The following PIEZO2 variants were observed in gnomAD, a reference collection of about 807,000 sequenced individuals.
The protein encoded by PIEZO2 is piezo-type mechanosensitive ion channel component 2.
PIEZO2 carries 172 observed loss-of-function variants against 337.3 expected under a neutral mutation model. The ratio of observed to expected loss-of-function variants is 0.51; its 90% CI spans 0.45 to 0.58. The LOEUF is 0.58. Among genes scored for constraint, PIEZO2 ranks in the 20% least tolerant of loss-of-function variants. The pLI is 0.00. For synonymous variants in PIEZO2, 1,251 were observed against 1,228.5 expected (o/e 1.02, Z -0.38); for missense variants, 3,028 against 3,391.3 (o/e 0.89, Z 2.66).
chr18:11,138,897 C>A (rs987017790), intron 1 of PIEZO2, among the ~76,000 whole-genome samples: 2 of 152,128 alleles, frequency 1.3e-5, no homozygotes, highest in Non-Finnish European at 2.9e-5. Flanking sequence ...GGGGAGAAGA[C>A]GGCAAAGACA....
chr18:10,844,450 T>TAAAATAAAATAAAATAAAAAC (rs2041289500), intron 7 of PIEZO2, among the ~76,000 whole-genome samples: 3 of 86,292 alleles, frequency 3.5e-5, no homozygotes, highest in Admixed American at 1.2e-4. Flanking sequence ...AAAATAAAAA[T>TAAAATAAAATAAAATAAAAAC]AAAGGTGGCT....
intron 3 of PIEZO2, among the ~76,000 whole-genome samples, chr18:10,951,632 T>C (rs1423096201): frequency 6.6e-6 from 1 of 152,258 alleles, no homozygotes; most frequent in Non-Finnish European, 1.5e-5. Flanking sequence ...TTCCAAGTTC[T>C]TGGATTACTT....
At chr18:10,928,632 C>T (rs900462219) in intron 3 of PIEZO2, among the ~76,000 whole-genome samples, 5 of 152,204 alleles carry the variant, frequency 3.3e-5, no homozygotes, top group Non-Finnish European at 5.9e-5. Context: ...ATTCAGATCC[C>T]AGGCCTTCAT....
chr18:11,097,846 T>C lies in PIEZO2; in HGVS notation c.65-31624A>G, dbSNP rs1447174864. 6.6e-6 allele frequency among the ~76,000 whole-genome samples: 1 copy of C among 152,232 alleles called. No homozygotes were observed. Among genetic ancestry groups the C allele is most frequent in the African/African-American group, 2.4e-5 (1 of 41,460 alleles). ...AAGACTTCTGTGGACTTCTATGTTT[T>C]GTCTTTATTCAAAGAATTTAAAATG... On this transcript the variant is annotated intron_variant, in intron 1 of 55. Coordinates refer to ENST00000674853, the MANE Select transcript of PIEZO2 (RefSeq NM_001378183.1). The surrounding 1 kb of genome is among the most constrained non-coding windows in gnomAD (Gnocchi z 5.0).
chr18:10,687,414 G>A (rs566969501), intron 49 of PIEZO2, among the ~76,000 whole-genome samples: 30 of 152,178 alleles, frequency 2.0e-4, no homozygotes, highest in Admixed American at 4.6e-4. Flanking sequence ...CATCAGTTCC[G>A]TGATGGTGAG....
Position 10,942,705 on chromosome 18 carries a change from A to T in PIEZO2, c.287-31477T>A, listed in dbSNP as rs2032792254. On this transcript the variant is annotated intron_variant, in intron 3 of 55. Transcript: ENST00000674853. This position sits in a 1 kb window ranked among gnomAD's most constrained non-coding sequence, Gnocchi z 4.4. ...GGAGAAAATCAAGCCACCTGCAGAA[A>T]TTTGCATAAGTAATGAAGAGCCAAA... Among the ~76,000 whole-genome samples, 1 of 152,226 alleles carries T rather than the reference A, an allele frequency of 6.6e-6. No individual in the cohort carries two copies.
chr18:11,104,686 G>A lies in PIEZO2; in HGVS notation c.65-38464C>T, dbSNP rs116259342. Among the ~76,000 whole-genome samples, 2,146 of 152,304 alleles carry A rather than the reference G, an allele frequency of 0.014. 49 individuals carry two copies. The highest frequency in any genetic ancestry group is 0.048 in the African/African-American group (2,009 of 41,564). On this transcript the variant is annotated intron_variant, in intron 1 of 55. Transcript: ENST00000674853. This position sits in a 1 kb window ranked among gnomAD's most constrained non-coding sequence, Gnocchi z 4.6. ...CCTACAACAAAGAGGTCTGTGGCCC[G>A]GCTGAGCCAAGATGCCATGAACATG...
At chr18:10,704,327 A>G (rs1376802690) in intron 42 of PIEZO2, 67 bp downstream of exon 42, 2 of 1,506,082 alleles carry the variant, frequency 1.3e-6, no homozygotes, top group African/African-American at 1.4e-5. Flanking sequence ...GGGCACAGGG[A>G]CACAAGGTAT....
chr18:11,082,926 T>C (rs903465364), intron 1 of PIEZO2, among the ~76,000 whole-genome samples: 1 of 152,196 alleles, frequency 6.6e-6, no homozygotes, highest in South Asian at 2.1e-4. Flanking sequence ...TTCTATCATA[T>C]TATATTAAAC....
chr18:10,763,999 C>T (rs1010526824), intron 21 of PIEZO2, among the ~76,000 whole-genome samples: 6 of 152,132 alleles, frequency 3.9e-5, no homozygotes, highest in African/African-American at 1.4e-4. Flanking sequence ...GACAGCAACG[C>T]TGATAGGGAA....
In PIEZO2 at chr18:10,795,052, TC is replaced by T. The variant is rs112076737; in HGVS notation, c.1528-51del. 15 of 1,413,988 alleles carry T rather than the reference TC, an allele frequency of 1.1e-5. No individual in the cohort carries two copies. Among genetic ancestry groups the T allele is most frequent in the Admixed American group, 4.0e-5 (2 of 50,034 alleles). The allele number at this position is 1,413,988 out of a possible 1,614,324, so 87.6% of individuals were successfully genotyped here. A position where few individuals can be genotyped will look rare whatever the true frequency, so the allele number is the denominator to read the frequency against. ...CGACCATGGTCAATACAATGCTCAG[TC>T]CCCCCCGCCCTGGTAAGGTAAAAAC... On this transcript the variant is annotated intron_variant, in intron 12 of 55. Transcript: ENST00000674853. This position sits in a 1 kb window ranked among gnomAD's most constrained non-coding sequence, Gnocchi z 4.4.
chr18:11,060,560 A>G (rs1206512349), intron 2 of PIEZO2, among the ~76,000 whole-genome samples: 1 of 152,236 alleles, frequency 6.6e-6, no homozygotes, highest in Non-Finnish European at 1.5e-5. Context: ...CGCAATAAAA[A>G]ATGACAAAGG....
In PIEZO2 at chr18:10,854,527, G is replaced by A. The variant is rs939814467; in HGVS notation, c.917+826C>T. Among the ~76,000 whole-genome samples, 2 of 152,084 alleles carry A rather than the reference G, an allele frequency of 1.3e-5. No individual in the cohort carries two copies. Among genetic ancestry groups the A allele is most frequent in the African/African-American group, 4.8e-5 (2 of 41,418 alleles). ...TTATCTAACATCATCCTGCATGGAG[G>A]AATTTTCTCTCATTCACTGAGAATG... On this transcript the variant is annotated intron_variant, in intron 7 of 55. Coordinates refer to ENST00000674853, the MANE Select transcript of PIEZO2 (RefSeq NM_001378183.1). This position sits in a 1 kb window ranked among gnomAD's most constrained non-coding sequence, Gnocchi z 4.6.
intron 1 of PIEZO2, among the ~76,000 whole-genome samples, chr18:11,072,457 G>T (rs2038376260): frequency 6.6e-6 from 1 of 151,974 alleles, no homozygotes; most frequent in Non-Finnish European, 1.5e-5. Flanking sequence ...ACCTAATTCT[G>T]TGAATTTCTG....
In PIEZO2 at chr18:10,773,323, T is replaced by C. The variant is rs2038669170; in HGVS notation, c.2785+89A>G. 7.6e-7 allele frequency: 1 copy of C among 1,317,334 alleles called. No individual in the cohort carries two copies. The highest frequency in any genetic ancestry group is 2.5e-5 in the East Asian group (1 of 39,826). The allele number at this position is 1,317,334 out of a possible 1,614,324, so 81.6% of individuals were successfully genotyped here. On this transcript the variant is annotated intron_variant, in intron 20 of 55. Coordinates refer to ENST00000674853, the MANE Select transcript of PIEZO2 (RefSeq NM_001378183.1). This position sits in a 1 kb window ranked among gnomAD's most constrained non-coding sequence, Gnocchi z 5.3. ...TTTTTATGTCATGGACTGGGTCAAA[T>C]ATATATTCTTTTGGAGCAAGTCAAT...
In PIEZO2 at chr18:10,679,511, G is replaced by A. The variant is rs918933118; in HGVS notation, c.7952+688C>T. On this transcript the variant is annotated intron_variant, in intron 52 of 55. Coordinates refer to ENST00000674853, the MANE Select transcript of PIEZO2 (RefSeq NM_001378183.1). ...TTACATTCAAAATTTTTTTTGCATT[G>A]AAACAATTTTAGATTTTCTAAAAAC... Among the ~76,000 whole-genome samples the A allele has an allele frequency of 3.5e-5, 5 of 142,014 alleles. No homozygotes were observed. The South Asian group carries it at 7.4e-4, about 21-fold the overall frequency. The allele number at this position is 142,014 out of a possible 152,430, so 93.2% of individuals were successfully genotyped here.
rs1461299664 is a variant in PIEZO2, at chr18:10,672,935, A to G, written c.8162-62T>C. ...GAATTTTAGGATTTCATGCACAGCA[A>G]CAGTTTTCAGATGGCAAAATCTGGT... On this transcript the variant is annotated intron_variant, in intron 54 of 55. Transcript: ENST00000674853. The surrounding 1 kb of genome is among the most constrained non-coding windows in gnomAD (Gnocchi z 4.7). The G allele has an allele frequency of 5.0e-6, 7 of 1,408,562 alleles. No individual in the cohort carries two copies. The highest frequency in any genetic ancestry group is 1.4e-5 in the African/African-American group (1 of 69,736). The allele number at this position is 1,408,562 out of a possible 1,614,324, so 87.3% of individuals were successfully genotyped here. A position where few individuals can be genotyped will look rare whatever the true frequency, so the allele number is the denominator to read the frequency against.
At chr18:10,948,887 C>T (rs2033154670) in intron 3 of PIEZO2, among the ~76,000 whole-genome samples, 1 of 152,142 alleles carries the variant, frequency 6.6e-6, no homozygotes, top group African/African-American at 2.4e-5. Context: ...AGATGCATAC[C>T]TTCACTTTCA....
Position 10,846,239 on chromosome 18 carries a change from T to A in PIEZO2, c.917+9114A>T, listed in dbSNP as rs1156699660. Among the ~76,000 whole-genome samples, 1 of 152,188 alleles carries A rather than the reference T, an allele frequency of 6.6e-6. No homozygotes were observed. The highest frequency in any genetic ancestry group is 2.4e-5 in the African/African-American group (1 of 41,428). Reference sequence around the variant, plus strand: ...AAGGCAAGGAGGAGCAAGTCACATCTTACACAGATGGCAGCAGGCAAAGAG... The same window carrying A: ...AAGGCAAGGAGGAGCAAGTCACATCATACACAGATGGCAGCAGGCAAAGAG... On this transcript the variant is annotated intron_variant, in intron 7 of 55. Transcript: ENST00000674853. This position sits in a 1 kb window ranked among gnomAD's most constrained non-coding sequence, Gnocchi z 4.1.
Sources: gnomAD v4.1 joint callset for allele counts (sites outside exome capture counted in the v4.1 genomes callset) on GRCh38, gnomAD v4.1.1 for gene constraint, Gnocchi (gnomAD v3.1) non-coding constraint, MANE v1.5 for transcripts, NCBI Gene and HGNC (gene_info 2026-07-23, HGNC 2026-07-21) for gene names.